The following SLAMF1 variants were observed in gnomAD, a reference collection of about 807,000 sequenced individuals.
SLAMF1 encodes the protein signaling lymphocytic activation molecule family member 1, also known as signaling lymphocytic activation molecule.
SLAMF1 carries 18 observed loss-of-function variants against 35.1 expected under a neutral mutation model. The ratio of observed to expected loss-of-function variants is 0.51; its 90% CI spans 0.35 to 0.76. The LOEUF is 0.76. SLAMF1 is among the 30% of genes least tolerant of loss of function. The pLI is 0.01. For missense variants in SLAMF1, 392 were observed against 413.0 expected (o/e 0.95, Z 0.44); for synonymous variants, 168 against 157.2 (o/e 1.07, Z -0.51).
rs768739942 is a variant in SLAMF1, at chr1:160,618,004, C to T, written c.864+1772G>A. The stretch of plus-strand genomic sequence containing the variant: ...AGGAGAATCACTTGAACCCAGGAGG[C>T]GGAGGTTGTAGTGAGCCCAGATCAC... On this transcript the variant is annotated intron_variant, in intron 5 of 6. Coordinates refer to ENST00000302035, the MANE Select transcript of SLAMF1 (RefSeq NM_003037.5). Among the ~76,000 whole-genome samples the T allele has an allele frequency of 1.3e-5, 2 of 152,018 alleles. 1 individual carries two copies. The highest frequency in any genetic ancestry group is 6.3e-3 in the Middle Eastern group (2 of 316).
At chr1:160,644,101 C>T (rs1269737887) in intron 1 of SLAMF1, among the ~76,000 whole-genome samples, 2 of 152,222 alleles carry the variant, frequency 1.3e-5, no homozygotes, top group African/African-American at 4.8e-5. Context: ...TATATGCCCT[C>T]TACGTTCTTC....
At chr1:160,612,732 C>T in intron 5 of SLAMF1, 152 bp from the exon 6 acceptor site, 1 of 581,042 alleles carries the variant, frequency 1.7e-6, no homozygotes, top group Non-Finnish European at 3.1e-6. Flanking sequence ...GGGAATTCTC[C>T]CCCAAATTCT....
intron 2 of SLAMF1, among the ~76,000 whole-genome samples, chr1:160,636,429 C>G (rs890902821): frequency 6.6e-6 from 1 of 152,174 alleles, no homozygotes; most frequent in African/African-American, 2.4e-5. Flanking sequence ...TTTGAAGAAG[C>G]AGGAAAGCCC....
intron 3 of SLAMF1, among the ~76,000 whole-genome samples, chr1:160,631,430 T>C (rs1246296590): frequency 3.3e-5 from 5 of 152,160 alleles, no homozygotes; most frequent in African/African-American, 9.7e-5. Flanking sequence ...ACAGAGTTAA[T>C]TGAGTAAAAC....
rs145003226 is a variant in SLAMF1 at position 160,641,761 on chromosome 1, G to C, written c.77-4232C>G. 3.3e-5 allele frequency among the ~76,000 whole-genome samples: 5 copies of C among 152,276 alleles called. No individual in the cohort carries two copies. In the East Asian group the frequency reaches 9.6e-4, roughly 29 times the overall value. On this transcript the variant is annotated intron_variant, in intron 1 of 6. Transcript: ENST00000302035. The stretch of plus-strand genomic sequence containing the variant: ...TTTAAAGTGGTTCATAAAACCCCTC[G>C]AGTGGCGTCCCTGCTCCTGAAACAT...
chr1:160,644,132 C>T (rs750145199), intron 1 of SLAMF1, among the ~76,000 whole-genome samples: 16 of 152,196 alleles, frequency 1.1e-4, no homozygotes, highest in Admixed American at 5.2e-4. Context: ...ATCAGTCTCT[C>T]ACCTTTTGGA....
Position 160,636,962 on chromosome 1 carries a change from G to C in SLAMF1, c.415+229C>G, listed in dbSNP as rs534687734. 3.4e-4 allele frequency: 184 copies of C among 542,732 alleles called. No homozygotes were observed. The East Asian group carries it at 3.6e-3, about 10-fold the overall frequency. The allele number at this position is 542,732 out of a possible 1,614,324, so 33.6% of individuals were successfully genotyped here. ...TGTGCCCCTTTCCTTTGGGAAATGG[G>C]AGTAAGAGTAACTAATGCTTAATCA... On this transcript the variant is annotated intron_variant, in intron 2 of 6. Transcript: ENST00000302035.
rs765011495 is a variant in SLAMF1 at position 160,637,370 on chromosome 1, A to G, written c.236T>C (p.Val79Ala). 3 of 1,614,058 alleles carry G rather than the reference A, an allele frequency of 1.9e-6. No individual in the cohort carries two copies. The highest frequency in any genetic ancestry group is 4.5e-5 in the East Asian group (2 of 44,876). ...SLENSVENKI[V>A]SLDPSEAGPP... The stretch of plus-strand genomic sequence containing the variant: ...GCCTGCTTCGGATGGATCAAGAGAC[A>G]CTATTTTGTTCTCGACACTGTTCTC... The change falls in exon 2 of 7, where the codon GTG becomes GCG. Residue 79 changes from valine (V) to alanine (A), a missense_variant. By Grantham distance (64) the Val-to-Ala change is moderately conservative. Coordinates refer to ENST00000302035, the MANE Select transcript of SLAMF1 (RefSeq NM_003037.5).
At chr1:160,614,027 G>T (rs1330953955) in intron 5 of SLAMF1, among the ~76,000 whole-genome samples, 1 of 152,202 alleles carries the variant, frequency 6.6e-6, no homozygotes, top group Admixed American at 6.5e-5. Flanking sequence ...ATCTGGAGCA[G>T]GGCCTGATTC....
intron 3 of SLAMF1, among the ~76,000 whole-genome samples, chr1:160,627,230 G>C (rs1659930199): frequency 2.0e-5 from 3 of 152,148 alleles, no homozygotes; most frequent in Admixed American, 2.0e-4. Flanking sequence ...AACCCATATA[G>C]TAATGTATGG....
In SLAMF1 at chr1:160,633,879, C is replaced by A. The variant is rs141838051; in HGVS notation, c.700+734G>T. 9.8e-5 allele frequency among the ~76,000 whole-genome samples: 15 copies of A among 152,308 alleles called. No homozygotes were observed. In the East Asian group the frequency reaches 2.5e-3, roughly 25 times the overall value. On this transcript the variant is annotated intron_variant, in intron 3 of 6. Transcript: ENST00000302035. ...GAAGAGGGTACTTAAATGGTATGAA[C>A]GTCAATTTCCTCATCTGTAAAATGA...
At position 160,612,572 on chromosome 1, in the gene SLAMF1, C is replaced by G. The variant is rs758412139; in HGVS notation, c.873G>C (p.Gln291His). The G allele has an allele frequency of 6.8e-6, 11 of 1,608,068 alleles. No individual in the cohort carries two copies. Among genetic ancestry groups the G allele is most frequent in the Non-Finnish European group, 9.4e-6 (11 of 1,175,088 alleles). ...GAGCTGGGAAGGAGTCAAGTTTCTT[C>G]TGAAGAGGCTACAAGAGAAGCAAAG... ...YAQVQKPGPL[Q>H]KKLDSFPAQD... Residue 291 changes from glutamine to histidine, a missense_variant, in exon 6 of 7, where the codon CAG becomes CAC. Physicochemically the swap from Gln to His is conservative, Grantham distance 24 (BLOSUM62 0). Transcript: ENST00000302035.
At chr1:160,617,162 A>C (rs1327632175) in intron 5 of SLAMF1, among the ~76,000 whole-genome samples, 1 of 151,930 alleles carries the variant, frequency 6.6e-6, no homozygotes, top group Admixed American at 6.6e-5. Context: ...TCTCAAAAAA[A>C]AATTTAAAAA....
In SLAMF1 at chr1:160,637,317, T is replaced by G; in HGVS notation, c.289A>C (p.Lys97Gln). 1 of 1,614,010 alleles carries G rather than the reference T, an allele frequency of 6.2e-7. No homozygotes were observed. Among genetic ancestry groups the G allele is most frequent in the Non-Finnish European group, 8.5e-7 (1 of 1,179,892 alleles). Residue 97 changes from lysine (K) to glutamine (Q), a missense_variant, in exon 2 of 7, where the codon AAG becomes CAG. Physicochemically the swap from Lys to Gln is moderately conservative, Grantham distance 53. Coordinates refer to ENST00000302035, the MANE Select transcript of SLAMF1 (RefSeq NM_003037.5). Reference sequence around the variant, plus strand: ...AGGGTGAGATTCTCCAGATAAAACTTGTAGCGATCTCCTAGATAACGTGGA... The same window carrying G: ...AGGGTGAGATTCTCCAGATAAAACTGGTAGCGATCTCCTAGATAACGTGGA... ...GPPRYLGDRY[K>Q]FYLENLTLGI...
Position 160,637,574 on chromosome 1 carries a change from A to G in SLAMF1, c.77-45T>C, listed in dbSNP as rs1004069968. The G allele has an allele frequency of 1.4e-5, 19 of 1,367,036 alleles. No homozygotes were observed. The Admixed American group carries it at 2.8e-4, about 20-fold the overall frequency. 84.7% of individuals were successfully genotyped at this position (1,367,036 alleles called of 1,614,324 possible). A position where few individuals can be genotyped will look rare whatever the true frequency, so the allele number is the denominator to read the frequency against. ...AGAGTCCCTTATTATTAAGGCCTTT[A>G]GACAACATCGTGTCAGCAGATCAGG... is the stretch of plus-strand genomic sequence containing the variant. On this transcript the variant is annotated intron_variant, in intron 1 of 6. Coordinates refer to ENST00000302035, the MANE Select transcript of SLAMF1 (RefSeq NM_003037.5).
intron 3 of SLAMF1, among the ~76,000 whole-genome samples, chr1:160,629,150 G>C (rs1450422475): frequency 6.6e-6 from 1 of 152,176 alleles, no homozygotes; most frequent in Non-Finnish European, 1.5e-5. Flanking sequence ...TTTGGGAAGA[G>C]TGCTTTGCTC....
At chr1:160,644,511 A>G (rs933120571) in intron 1 of SLAMF1, among the ~76,000 whole-genome samples, 14 of 152,258 alleles carry the variant, frequency 9.2e-5, no homozygotes, top group African/African-American at 3.4e-4. Flanking sequence ...TTCACTCAAC[A>G]AATATTTGTG....
At chr1:160,622,490 A>T (rs1659668000) in intron 4 of SLAMF1, among the ~76,000 whole-genome samples, 1 of 152,230 alleles carries the variant, frequency 6.6e-6, no homozygotes, top group African/African-American at 2.4e-5. Context: ...AGATGCTTCC[A>T]GTGCAGCTTC....
chr1:160,626,020 G>A (rs777185355), intron 3 of SLAMF1, among the ~76,000 whole-genome samples: 14 of 152,128 alleles, frequency 9.2e-5, no homozygotes, highest in Non-Finnish European at 1.6e-4. Context: ...AACCATTATA[G>A]TAGCACTTAC....
Sources: allele counts gnomAD v4.1 joint callset (sites outside exome capture counted in the v4.1 genomes callset), GRCh38; gene constraint gnomAD v4.1.1; transcripts MANE v1.5; gene names NCBI Gene and HGNC (gene_info 2026-07-23, HGNC 2026-07-21).